Variants in SLC1A1 observed in about 807,000 individuals in gnomAD.
SLC1A1 encodes excitatory amino acid transporter 3.
SLC1A1 carries 43 observed loss-of-function variants against 53.3 expected under a neutral mutation model. That is an observed-to-expected ratio of 0.81 (90% CI 0.63 to 1.04). SLC1A1 has a LOEUF of 1.04. SLC1A1 is among the 50% of genes least tolerant of loss of function. The pLI is 0.00. For synonymous variants in SLC1A1, 307 were observed against 243.2 expected, an observed-to-expected ratio of 1.26 and a Z score of -2.44; for missense variants, 748 against 664.9, an observed-to-expected ratio of 1.12 and a Z score of -1.37.
intron 1 of SLC1A1, among the ~76,000 whole-genome samples, chr9:4,519,416 T>C (rs915766143): frequency 6.6e-6 from 1 of 152,204 alleles, no homozygotes; most frequent in Non-Finnish European, 1.5e-5. Flanking sequence ...TTAAATGACA[T>C]AGGTAAGTAT....
intron 1 of SLC1A1, among the ~76,000 whole-genome samples, chr9:4,513,776 T>C (rs923053583): frequency 6.6e-6 from 1 of 152,186 alleles, no homozygotes; most frequent in Non-Finnish European, 1.5e-5. Context: ...CTCTGCATAA[T>C]CAATCAAAAT....
Position 4,585,781 on chromosome 9 carries a change from C to G in SLC1A1, c.*223C>G. The G allele has an allele frequency of 1.8e-6, 1 of 569,808 alleles. No homozygotes were observed. Among genetic ancestry groups the G allele is most frequent in the South Asian group, 2.1e-5 (1 of 48,414 alleles). The allele number at this position is 569,808 out of a possible 1,614,324, so 35.3% of individuals were successfully genotyped here. ...AGGGAAATCAATTTAAAGGAAAGTT[C>G]TATTATCTGGGTTTTAGAAATTCTA... is the stretch of plus-strand genomic sequence containing the variant. On this transcript the variant is annotated 3_prime_UTR_variant, in exon 12 of 12. Transcript: ENST00000262352.
intron 1 of SLC1A1, among the ~76,000 whole-genome samples, chr9:4,518,113 G>A (rs935337011): frequency 2.6e-5 from 4 of 151,132 alleles, no homozygotes; most frequent in Admixed American, 2.6e-4. Flanking sequence ...GTGGGTGCCT[G>A]TAATCCCAGC....
chr9:4,495,202 GCGGTTCA>G (rs1563990119), intron 1 of SLC1A1, among the ~76,000 whole-genome samples: 3 of 152,088 alleles, frequency 2.0e-5, no homozygotes, highest in African/African-American at 4.8e-5. Flanking sequence ...GGGCCCAGCG[GCGGTTCA>G]CGCTGGTTCC....
intron 1 of SLC1A1, among the ~76,000 whole-genome samples, chr9:4,498,612 T>C (rs1473881374): frequency 6.6e-6 from 1 of 152,012 alleles, no homozygotes; most frequent in Non-Finnish European, 1.5e-5. Context: ...TTTATGTTTA[T>C]GTATTTCTGA....
rs1821528100 is a variant in SLC1A1, at chr9:4,585,754, G to A, written c.*196G>A. The A allele has an allele frequency of 1.6e-6, 1 of 638,482 alleles. No homozygotes were observed. Among genetic ancestry groups the A allele is most frequent in the Admixed American group, 2.9e-5 (1 of 34,320 alleles). The allele number at this position is 638,482 out of a possible 1,614,324, so 39.6% of individuals were successfully genotyped here. On this transcript the variant is annotated 3_prime_UTR_variant, in exon 12 of 12. Transcript: ENST00000262352. The stretch of plus-strand genomic sequence containing the variant: ...TTGGGATTTGGGTGTGGGGTAAGTT[G>A]AAGGGAAATCAATTTAAAGGAAAGT...
chr9:4,499,471 G>A (rs191857180), intron 1 of SLC1A1, among the ~76,000 whole-genome samples: 207 of 152,310 alleles, frequency 1.4e-3, no homozygotes, highest in Non-Finnish European at 2.5e-3. Context: ...GAATGCTTAT[G>A]CCTGGTGTTT....
intron 1 of SLC1A1, among the ~76,000 whole-genome samples, chr9:4,542,092 T>C (rs1050852137): frequency 7.1e-6 from 1 of 141,832 alleles, no homozygotes; most frequent in Non-Finnish European, 1.6e-5. Flanking sequence ...AGGGTCTCAG[T>C]GTGACATCCC....
At chr9:4,563,757 A>C (rs1259295952) in intron 3 of SLC1A1, among the ~76,000 whole-genome samples, 1 of 152,196 alleles carries the variant, frequency 6.6e-6, no homozygotes, top group Non-Finnish European at 1.5e-5. Flanking sequence ...GTTCTTCCTT[A>C]CAGAGAGATG....
At chr9:4,564,086 AACACACATACAC>A (rs1819245016) in intron 3 of SLC1A1, among the ~76,000 whole-genome samples, 1 of 129,466 alleles carries the variant, frequency 7.7e-6, no homozygotes. Flanking sequence ...CTTCATTTAA[AACACACATACAC>A]ACACACACAG....
At chr9:4,503,629 A>G (rs773755258) in intron 1 of SLC1A1, among the ~76,000 whole-genome samples, 1 of 151,852 alleles carries the variant, frequency 6.6e-6, no homozygotes, top group Non-Finnish European at 1.5e-5. Flanking sequence ...AGGTGATGAT[A>G]CACATAAGGA....
chr9:4,558,817 C>T (rs908532654), intron 2 of SLC1A1, among the ~76,000 whole-genome samples: 1 of 152,068 alleles, frequency 6.6e-6, no homozygotes, highest in African/African-American at 2.4e-5. Context: ...TTAAACTGGA[C>T]ATCTACCAAA....
chr9:4,557,791 G>T (rs577255679), intron 2 of SLC1A1, among the ~76,000 whole-genome samples: 2 of 152,298 alleles, frequency 1.3e-5, no homozygotes, highest in Non-Finnish European at 2.9e-5. Flanking sequence ...GGCAGCGCTA[G>T]TCTAGAATTT....
chr9:4,579,440 G>A (rs1305667227), intron 10 of SLC1A1, among the ~76,000 whole-genome samples: 1 of 152,178 alleles, frequency 6.6e-6, no homozygotes, highest in Non-Finnish European at 1.5e-5. Flanking sequence ...ACTTTGTGAT[G>A]AAATCCCTCC....
rs551786416 is a variant in SLC1A1 at position 4,512,846 on chromosome 9, C to T, written c.91+22076C>T. Among the ~76,000 whole-genome samples the T allele has an allele frequency of 8.5e-5, 13 of 152,056 alleles. No homozygotes were observed. In the South Asian group the frequency reaches 2.5e-3, roughly 29 times the overall value. Reference sequence around the variant, plus strand: ...GCAGCATGATTGTAGCTCATTGCAGCCTTGAACTCCTGGGCTCAAGAAGTC... The same window carrying T: ...GCAGCATGATTGTAGCTCATTGCAGTCTTGAACTCCTGGGCTCAAGAAGTC... On this transcript the variant is annotated intron_variant, in intron 1 of 11. Coordinates refer to ENST00000262352, the MANE Select transcript of SLC1A1 (RefSeq NM_004170.6).
At chr9:4,518,859 G>C (rs908341959) in intron 1 of SLC1A1, among the ~76,000 whole-genome samples, 6 of 152,230 alleles carry the variant, frequency 3.9e-5, no homozygotes, top group African/African-American at 1.4e-4. Context: ...CTCACCCTGA[G>C]TCTGAGTTGG....
At chr9:4,509,795 G>A (rs1217251598) in intron 1 of SLC1A1, among the ~76,000 whole-genome samples, 1 of 152,134 alleles carries the variant, frequency 6.6e-6, no homozygotes, top group African/African-American at 2.4e-5. Context: ...ACATCAAGAA[G>A]TGTTGAAAAG....
intron 1 of SLC1A1, among the ~76,000 whole-genome samples, chr9:4,518,646 T>C (rs913236657): frequency 6.6e-6 from 1 of 152,134 alleles, no homozygotes; most frequent in African/African-American, 2.4e-5. Flanking sequence ...TGCCTGTCAA[T>C]GTAGTGTCTG....
intron 1 of SLC1A1, among the ~76,000 whole-genome samples, chr9:4,492,407 A>G (rs753110074): frequency 1.3e-5 from 2 of 151,370 alleles, no homozygotes; most frequent in Non-Finnish European, 1.5e-5. Flanking sequence ...GCTTGAACCC[A>G]GAAGGCAGAG....
Sources: allele counts gnomAD v4.1 joint callset (sites outside exome capture counted in the v4.1 genomes callset), GRCh38; gene constraint gnomAD v4.1.1; transcripts MANE v1.5; gene names NCBI Gene and HGNC (gene_info 2026-07-23, HGNC 2026-07-21).